Variants in VPS35 observed in about 807,000 individuals in gnomAD.
VPS35 encodes VPS35 retromer complex component.
Under a neutral mutation model 98.1 loss-of-function variants are expected in VPS35, and 21 were observed. That is an observed-to-expected ratio of 0.21 (90% CI 0.15 to 0.31). The LOEUF (loss-of-function observed/expected upper bound fraction) is 0.31. Ranked by LOEUF, VPS35 falls within the 10% of genes least tolerant of loss-of-function variation. The pLI is 1.00. For missense variants in VPS35, 554 were observed against 950.8 expected (o/e 0.58, Z 5.49); for synonymous variants, 268 against 318.2 (o/e 0.84, Z 1.68).
intron 13 of VPS35, among the ~76,000 whole-genome samples, chr16:46,665,743 T>C (rs1046842526): frequency 3.3e-5 from 5 of 152,228 alleles, no homozygotes; most frequent in Non-Finnish European, 5.9e-5. Flanking sequence ...ATCTTATAAC[T>C]GAAAGTTTGT....
Position 46,680,112 on chromosome 16 carries a change from C to A in VPS35, c.506+559G>T, listed in dbSNP as rs1966212866. Among the ~76,000 whole-genome samples the A allele has an allele frequency of 2.0e-5, 3 of 152,176 alleles. No individual in the cohort carries two copies. In the East Asian group the frequency reaches 5.8e-4, roughly 29 times the overall value. On this transcript the variant is annotated intron_variant, in intron 5 of 16. Coordinates refer to ENST00000299138, the MANE Select transcript of VPS35 (RefSeq NM_018206.6). ...AAGACCACAGTTGGCTGACCATCTGCCCCTGCTGTGGGATAAAAGTACAGT... is the reference window on the plus strand; with the variant it reads ...AAGACCACAGTTGGCTGACCATCTGACCCTGCTGTGGGATAAAAGTACAGT...
intron 6 of VPS35, among the ~76,000 whole-genome samples, chr16:46,678,738 A>C (rs974425543): frequency 1.1e-4 from 16 of 152,234 alleles, no homozygotes; most frequent in African/African-American, 3.6e-4. Flanking sequence ...TCTATAAATC[A>C]ATTCTTTTTA....
intron 1 of VPS35, chr16:46,688,233 G>A (rs1182750043): frequency 1.2e-6 from 1 of 837,396 alleles, no homozygotes; most frequent in Non-Finnish European, 1.4e-6. Flanking sequence ...AATTAAAGCG[G>A]ACATACAGTA....
chr16:46,685,865 C>T (rs1021190193), intron 1 of VPS35, among the ~76,000 whole-genome samples: 15 of 152,016 alleles, frequency 9.9e-5, no homozygotes, highest in Admixed American at 2.0e-4. Flanking sequence ...CTTTATGATA[C>T]ATCTGGATAT....
chr16:46,671,923 C>A, intron 11 of VPS35, 63 bp from the exon 12 acceptor site: 1 of 1,599,656 alleles, frequency 6.3e-7, no homozygotes, highest in South Asian at 1.1e-5. Context: ...AAGCCATTAT[C>A]AAAAGTGTTT....
At chr16:46,665,557 TG>T (rs757249347) in intron 13 of VPS35, among the ~76,000 whole-genome samples, 29 of 147,122 alleles carry the variant, frequency 2.0e-4, no homozygotes, top group Admixed American at 1.4e-4. Context: ...ATCATACCAC[TG>T]TATCCCAGTC....
At chr16:46,688,755 C>T in intron 1 of VPS35, 1 of 1,236,302 alleles carries the variant, frequency 8.1e-7, no homozygotes, top group Non-Finnish European at 1.0e-6. Context: ...GTCTCAGGGC[C>T]TCCACGCGCC....
rs781613448 is a variant in VPS35 at position 46,688,980 on chromosome 16, C to T, written c.3+151G>A. On this transcript the variant is annotated intron_variant, in intron 1 of 16. Coordinates refer to ENST00000299138, the MANE Select transcript of VPS35 (RefSeq NM_018206.6). ...CAGCCTGCCCGCGGCCTTCCTCCTGCTGTCCCCTATCCCGCAGGCCAAATC... is the reference window on the plus strand; with the variant it reads ...CAGCCTGCCCGCGGCCTTCCTCCTGTTGTCCCCTATCCCGCAGGCCAAATC... 3.3e-6 allele frequency: 5 copies of T among 1,527,532 alleles called. No individual in the cohort carries two copies. In the South Asian group the frequency reaches 3.6e-5, roughly 11 times the overall value. 94.6% of individuals were successfully genotyped at this position (1,527,532 alleles called of 1,614,324 possible).
chr16:46,662,888 G>C, intron 14 of VPS35, 95 bp downstream of exon 14: 2 of 1,392,564 alleles, frequency 1.4e-6, no homozygotes, highest in Non-Finnish European at 2.0e-6. Flanking sequence ...TTCAGTAAAA[G>C]AAGAGTAAAT....
intron 13 of VPS35, among the ~76,000 whole-genome samples, chr16:46,663,893 T>G (rs907194808): frequency 6.7e-5 from 8 of 118,830 alleles, no homozygotes; most frequent in South Asian, 4.9e-4. Context: ...TTTTTTTTTG[T>G]AGAGACAGGG....
intron 4 of VPS35, 30 bp from the exon 5 acceptor site, chr16:46,680,883 GA>G (rs1340731586): frequency 1.3e-6 from 2 of 1,595,200 alleles, no homozygotes; most frequent in Non-Finnish European, 1.7e-6. Flanking sequence ...ATGCTGATTA[GA>G]AATAAAATAT....
At chr16:46,689,108 G>A in intron 1 of VPS35, 23 bp downstream of exon 1, 1 of 1,607,440 alleles carries the variant, frequency 6.2e-7, no homozygotes, top group East Asian at 2.2e-5. Flanking sequence ...CGACCCAGGT[G>A]CCACTGCCCC....
chr16:46,689,117 C>T lies in VPS35; in HGVS notation c.3+14G>A, dbSNP rs745828952. 12 of 1,608,628 alleles carry T rather than the reference C, an allele frequency of 7.5e-6. No homozygotes were observed. Among genetic ancestry groups the T allele is most frequent in the African/African-American group, 1.3e-5 (1 of 74,876 alleles). ...GAGGGTCGACCCAGGTGCCACTGCC[C>T]CCTCAGCACTCACCATGGCGACTCC... On this transcript the variant is annotated intron_variant, in intron 1 of 16. Coordinates refer to ENST00000299138, the MANE Select transcript of VPS35 (RefSeq NM_018206.6).
rs1172342186 is a variant in VPS35, at chr16:46,672,434, C to A, written c.1199G>T (p.Arg400Ile). 6.2e-7 allele frequency: 1 copy of A among 1,613,040 alleles called. No individual in the cohort carries two copies. The highest frequency in any genetic ancestry group is 8.5e-7 in the Non-Finnish European group (1 of 1,179,870). The change falls in exon 11 of 17, where the codon AGA becomes ATA. Residue 400 changes from arginine (R) to isoleucine (I), a missense_variant. Arg to Ile is a moderately conservative substitution (Grantham distance 97). Coordinates refer to ENST00000299138, the MANE Select transcript of VPS35 (RefSeq NM_018206.6). Reference protein sequence around the residue: ...TSSAVSKELTRLLKIPVDTYN... With the variant: ...TSSAVSKELTILLKIPVDTYN... ...AGTGTCAACTGGTATTTTCAAAAGT[C>A]TGGTGAGTTCCTTTGAAACTGCACT... is the stretch of plus-strand genomic sequence containing the variant.
chr16:46,663,325 G>A (rs1189339272), intron 13 of VPS35, among the ~76,000 whole-genome samples, 163 bp from the exon 14 acceptor site: 1 of 152,248 alleles, frequency 6.6e-6, no homozygotes, highest in African/African-American at 2.4e-5. Context: ...CAAGCAGGAT[G>A]TCTTCTCAAA....
chr16:46,681,090 CT>C (rs1318261236), intron 4 of VPS35, among the ~76,000 whole-genome samples: 1 of 149,636 alleles, frequency 6.7e-6, no homozygotes, highest in Non-Finnish European at 1.5e-5. Context: ...TAGATATTAC[CT>C]TTAAACATAT....
At chr16:46,681,029 C>CTA (rs1491343317) in intron 4 of VPS35, among the ~76,000 whole-genome samples, 176 bp from the exon 5 acceptor site, 1 of 75,628 alleles carries the variant, frequency 1.3e-5, no homozygotes, top group Non-Finnish European at 2.8e-5. Context: ...TCTAAAAAAA[C>CTA]TATACACACA....
rs996986541 is a variant in VPS35 at position 46,683,542 on chromosome 16, A to C, written c.68T>G (p.Val23Gly). 1.2e-6 allele frequency: 2 copies of C among 1,613,996 alleles called. No individual in the cohort carries two copies. The highest frequency in any genetic ancestry group is 1.7e-6 in the Non-Finnish European group (2 of 1,180,008). ...EKLLDEAIQA[V>G]KVQSFQMKRC... ...CTTCATTTGGAATGACTGGACCTTC[A>C]CAGCCTGTATGGCTTCATCCAAGAG... Residue 23 changes from valine to glycine, a missense_variant, in exon 2 of 17, where the codon GTG becomes GGG. By Grantham distance (109) the Val-to-Gly change is moderately radical. Around this residue, in one of 5 missense-constraint regions of VPS35, gnomAD observed 67 missense variants for 103.3 expected, o/e 0.65. Transcript: ENST00000299138.
At chr16:46,682,428 C>G (rs1966248987) in intron 2 of VPS35, 1 of 430,232 alleles carries the variant, frequency 2.3e-6, no homozygotes, top group African/African-American at 2.0e-5. Flanking sequence ...GAATGCTAAT[C>G]TTTTCAATCT....
Sources: gnomAD v4.1 joint callset for allele counts (sites outside exome capture counted in the v4.1 genomes callset) on GRCh38, gnomAD v4.1.1 for gene constraint, gnomAD v4.1.1 regional missense constraint, MANE v1.5 for transcripts, NCBI Gene and HGNC (gene_info 2026-07-23, HGNC 2026-07-21) for gene names.